The following C7orf78 variants were observed in gnomAD, a reference collection of about 807,000 sequenced individuals.
C7orf78 encodes chromosome 7 open reading frame 78, also known as putative uncharacterized protein C7orf78.
the C7orf78 span, among the ~76,000 whole-genome samples, chr7:12,488,350 T>G: frequency 6.6e-6 from 1 of 152,070 alleles, no homozygotes; most frequent in African/African-American, 2.4e-5. Context: ...ATTAAAACTC[T>G]GCTTCCAAAA....
At chr7:12,504,056 A>G in the C7orf78 span, among the ~76,000 whole-genome samples, 1 of 152,342 alleles carries the variant, frequency 6.6e-6, no homozygotes, top group African/African-American at 2.4e-5. Flanking sequence ...GAAGAAATTA[A>G]GTCAACCTTC....
At chr7:12,532,304 CTT>C in the C7orf78 span, among the ~76,000 whole-genome samples, 4 of 152,258 alleles carry the variant, frequency 2.6e-5, no homozygotes, top group African/African-American at 9.6e-5. Context: ...AATCCCAACA[CTT>C]TGGGAGGTCA....
At chr7:12,518,436 G>T in the C7orf78 span, among the ~76,000 whole-genome samples, 1 of 152,134 alleles carries the variant, frequency 6.6e-6, no homozygotes, top group Non-Finnish European at 1.5e-5. Context: ...CATGGTGTGG[G>T]CCATGGCAGT....
the C7orf78 span, among the ~76,000 whole-genome samples, chr7:12,532,105 G>T: frequency 2.0e-5 from 3 of 152,290 alleles, no homozygotes; most frequent in Middle Eastern, 6.8e-3. Flanking sequence ...GGAAGATGGA[G>T]CCGCCATTTT....
the C7orf78 span, among the ~76,000 whole-genome samples, chr7:12,494,921 C>G: frequency 2.7e-5 from 4 of 150,530 alleles, no homozygotes; most frequent in Non-Finnish European, 6.0e-5. Flanking sequence ...CACCAGGTAC[C>G]GATAGACAAC....
At chr7:12,508,401 A>G in the C7orf78 span, among the ~76,000 whole-genome samples, 2 of 152,068 alleles carry the variant, frequency 1.3e-5, no homozygotes, top group Non-Finnish European at 2.9e-5. Context: ...TTCATTGGAA[A>G]AAAAATCAGT....
the C7orf78 span, chr7:12,522,923 C>T: frequency 6.5e-5 from 26 of 397,784 alleles, no homozygotes; most frequent in Admixed American, 1.1e-3. Flanking sequence ...ATGTTGAGTA[C>T]ACCATTGCTA....
chr7:12,488,299 A>C, the C7orf78 span, among the ~76,000 whole-genome samples: 3 of 152,090 alleles, frequency 2.0e-5, no homozygotes, highest in South Asian at 6.2e-4. Flanking sequence ...AAGACAGTAC[A>C]ACTCACCATT....
the C7orf78 span, among the ~76,000 whole-genome samples, chr7:12,526,183 G>C: frequency 2.0e-5 from 3 of 152,082 alleles, no homozygotes; most frequent in African/African-American, 7.2e-5. Flanking sequence ...GAGCCCAGCT[G>C]TGCAACTTTG....
chr7:12,513,523 A>G, the C7orf78 span, among the ~76,000 whole-genome samples: 1 of 152,018 alleles, frequency 6.6e-6, no homozygotes, highest in African/African-American at 2.4e-5. Context: ...TGTTCAGTAG[A>G]ATTTTGTTTA....
the C7orf78 span, among the ~76,000 whole-genome samples, chr7:12,514,071 T>G: frequency 6.6e-6 from 1 of 152,262 alleles, no homozygotes; most frequent in Admixed American, 6.5e-5. Context: ...TAAATGCCTG[T>G]TAGGTTCATT....
chr7:12,528,301 T>A, the C7orf78 span, among the ~76,000 whole-genome samples: 1,733 of 109,900 alleles, frequency 0.016, 1 homozygote, highest in African/African-American at 0.029. Context: ...GTATATGCTA[T>A]GTGTCACTCA....
At chr7:12,494,709 G>C in the C7orf78 span, among the ~76,000 whole-genome samples, 4 of 152,070 alleles carry the variant, frequency 2.6e-5, no homozygotes, top group African/African-American at 9.7e-5. Context: ...AGAATTTATT[G>C]AGGTTCTGTG....
chr7:12,542,048 A>G, the C7orf78 span: 1 of 152,162 alleles, frequency 6.6e-6, no homozygotes, highest in Non-Finnish European at 1.5e-5. Context: ...CTTCTGATCA[A>G]GATTTGATGA....
chr7:12,517,241 G>A, the C7orf78 span, among the ~76,000 whole-genome samples: 22 of 152,182 alleles, frequency 1.4e-4, no homozygotes, highest in East Asian at 4.1e-3. Flanking sequence ...AGGGGTGTCC[G>A]CTTTTGCATC....
At chr7:12,523,655 G>T in the C7orf78 span, among the ~76,000 whole-genome samples, 19,155 of 152,010 alleles carry the variant, frequency 0.13, 1,732 homozygotes, top group African/African-American at 0.26. Context: ...GGTTTTATCT[G>T]CCAGGTCAAG....
chr7:12,496,950 G>T, the C7orf78 span, among the ~76,000 whole-genome samples: 1 of 152,074 alleles, frequency 6.6e-6, no homozygotes. Context: ...AAAAATTTTG[G>T]CTTCTTAGTT....
chr7:12,529,408 A>G, the C7orf78 span, among the ~76,000 whole-genome samples: 1 of 152,158 alleles, frequency 6.6e-6, no homozygotes, highest in African/African-American at 2.4e-5. Context: ...GTAATGCTAC[A>G]TACTTTTTAT....
chr7:12,500,306 T>G, the C7orf78 span, among the ~76,000 whole-genome samples: 139,302 of 151,148 alleles, frequency 0.92, 64,231 homozygotes, highest in East Asian at 1. Context: ...TTTTTTGAAA[T>G]GATCAACAAA....
Sources: gnomAD v4.1 joint callset for allele counts (sites outside exome capture counted in the v4.1 genomes callset) on GRCh38, gnomAD v4.1.1 for gene constraint, MANE v1.5 for transcripts, NCBI Gene and HGNC (gene_info 2026-07-23, HGNC 2026-07-21) for gene names.